Variants in ITGAM observed in about 807,000 individuals in gnomAD.
The protein encoded by ITGAM is integrin alpha-M.
A neutral mutation model predicts 137.5 loss-of-function variants in ITGAM; 79 were observed. That is an observed-to-expected ratio of 0.57 (90% CI 0.48 to 0.69). The LOEUF is 0.69. ITGAM is among the 30% of genes least tolerant of loss of function. ITGAM has a pLI of 0.00. For missense variants in ITGAM, 1,343 were observed against 1,483.5 expected (o/e 0.91, Z 1.56); for synonymous variants, 583 against 592.3 (o/e 0.98, Z 0.23).
Position 31,331,560 on chromosome 16 carries a change from C to G in ITGAM, c.3388-76C>G. On this transcript the variant is annotated intron_variant, in intron 29 of 29. Transcript: ENST00000544665. ...TCCCTTCTGTCTCTGCCGGCCCTCCCGCCCCCTCCCCCTGGTCTGCGGAGC... is the reference window on the plus strand; with the variant it reads ...TCCCTTCTGTCTCTGCCGGCCCTCCGGCCCCCTCCCCCTGGTCTGCGGAGC... 9.7e-6 allele frequency: 9 copies of G among 930,750 alleles called. No individual in the cohort carries two copies. In the South Asian group the frequency reaches 1.3e-4, roughly 13 times the overall value. The allele number at this position is 930,750 out of a possible 1,614,324, so 57.7% of individuals were successfully genotyped here.
rs568547246 is a variant in ITGAM at position 31,323,778 on chromosome 16, C to T, written c.2003-621C>T. 4.6e-5 allele frequency among the ~76,000 whole-genome samples: 7 copies of T among 152,084 alleles called. No homozygotes were observed. In the South Asian group the frequency reaches 6.2e-4, roughly 13 times the overall value. ...CAGTGGCTCATGCCTTTAATCCTAG[C>T]GCTTTGGGAGGCTGAGGCAGGTGGA... On this transcript the variant is annotated intron_variant, in intron 16 of 29. Transcript: ENST00000544665.
At position 31,278,544 on chromosome 16, in the gene ITGAM, G is replaced by C. The variant is rs566924488; in HGVS notation, c.1356+435G>C. ...ACACTTCACACACCCTCTAGGATCT[G>C]CTCCAGCCATGCCCCTGCTCAGTAC... On this transcript the variant is annotated intron_variant, in intron 12 of 29. Coordinates refer to ENST00000544665, the MANE Select transcript of ITGAM (RefSeq NM_000632.4). Among the ~76,000 whole-genome samples, 6 of 152,236 alleles carry C rather than the reference G, an allele frequency of 3.9e-5. No individual in the cohort carries two copies. In the South Asian group the frequency reaches 1.0e-3, roughly 26 times the overall value.
At position 31,270,732 on chromosome 16, in the gene ITGAM, TATATATATATA is replaced by T. The variant is rs2079827097; in HGVS notation, c.428-221_428-211del. Among the ~76,000 whole-genome samples the T allele has an allele frequency of 1.8e-5, 2 of 112,452 alleles. 1 individual carries two copies. Among genetic ancestry groups the T allele is most frequent in the African/African-American group, 7.6e-5 (2 of 26,456 alleles). 73.8% of individuals were successfully genotyped at this position (112,452 alleles called of 152,430 possible). On this transcript the variant is annotated intron_variant, in intron 5 of 29. Coordinates refer to ENST00000544665, the MANE Select transcript of ITGAM (RefSeq NM_000632.4). Reference sequence around the variant, plus strand: ...ATATATATATATATATATATATATATATATATATATATGTTTTTAACGTGTGTATACATATA... The same window carrying T: ...ATATATATATATATATATATATATATTGTTTTTAACGTGTGTATACATATA...
At chr16:31,302,976 CTTTCTTTCTT>C (rs2080229242) in intron 14 of ITGAM, among the ~76,000 whole-genome samples, 1 of 94,764 alleles carries the variant, frequency 1.1e-5, no homozygotes, top group Non-Finnish European at 2.2e-5. Context: ...TTCTTTCTTT[CTTTCTTTCTT>C]TCTTTCTTTC....
At chr16:31,299,766 T>TCCTCCTCCTCCTCCTCCGCCTCCC (rs1399860827) in intron 14 of ITGAM, among the ~76,000 whole-genome samples, 1 of 91,690 alleles carries the variant, frequency 1.1e-5, no homozygotes, top group Non-Finnish European at 2.1e-5. Context: ...CTCCTCCTCT[T>TCCTCCTCCTCCTCCTCCGCCTCCC]CCTCCTCCTC....
chr16:31,268,536 G>C (rs1179051310), intron 5 of ITGAM, among the ~76,000 whole-genome samples: 4 of 151,976 alleles, frequency 2.6e-5, no homozygotes, highest in Non-Finnish European at 5.9e-5. Context: ...GCGTGTGCCT[G>C]TGGTCTTAGC....
chr16:31,261,323 C>T (rs1467015212), intron 1 of ITGAM, among the ~76,000 whole-genome samples: 4 of 151,322 alleles, frequency 2.6e-5, no homozygotes, highest in Non-Finnish European at 5.9e-5. Flanking sequence ...CCACCTCAGC[C>T]TCCTGAGTAC....
At position 31,261,721 on chromosome 16, in the gene ITGAM, G is replaced by A; in HGVS notation, c.58G>A (p.Asp20Asn). 6.2e-7 allele frequency: 1 copy of A among 1,612,550 alleles called. No individual in the cohort carries two copies. The highest frequency in any genetic ancestry group is 8.5e-7 in the Non-Finnish European group (1 of 1,179,432). ...ALTLCHGFNLDTENAMTFQEN... is the reference protein window; with the variant it reads ...ALTLCHGFNLNTENAMTFQEN... Reference sequence around the variant, plus strand: ...GACCTTATGTCATGGGTTCAACTTGGACACTGAAAACGCAATGACCTTCCA... The same window carrying A: ...GACCTTATGTCATGGGTTCAACTTGAACACTGAAAACGCAATGACCTTCCA... Residue 20 changes from aspartate (D) to asparagine (N), a missense_variant, in exon 2 of 30, where the codon GAC becomes AAC. Physicochemically the swap from Asp to Asn is conservative, Grantham distance 23 (BLOSUM62 1). Coordinates refer to ENST00000544665, the MANE Select transcript of ITGAM (RefSeq NM_000632.4).
At chr16:31,288,850 A>G (rs2080056751) in intron 12 of ITGAM, among the ~76,000 whole-genome samples, 1 of 152,208 alleles carries the variant, frequency 6.6e-6, no homozygotes, top group Admixed American at 6.5e-5. Flanking sequence ...AATTTTTGCA[A>G]TCTACTCATC....
chr16:31,302,205 A>G (rs1331729731), intron 14 of ITGAM, among the ~76,000 whole-genome samples: 1 of 152,174 alleles, frequency 6.6e-6, no homozygotes, highest in Non-Finnish European at 1.5e-5. Context: ...GTAGAAAGGA[A>G]AAGGCTCATC....
intron 14 of ITGAM, among the ~76,000 whole-genome samples, chr16:31,305,040 G>A (rs1244738874): frequency 6.6e-6 from 1 of 151,796 alleles, no homozygotes; most frequent in Admixed American, 6.6e-5. Flanking sequence ...TAAATCTGTA[G>A]ATTGGGCAGT....
At position 31,275,599 on chromosome 16, in the gene ITGAM, C is replaced by G; in HGVS notation, c.909C>G (p.Ile303Met). 1 of 1,613,898 alleles carries G rather than the reference C, an allele frequency of 6.2e-7. No individual in the cohort carries two copies. The highest frequency in any genetic ancestry group is 8.5e-7 in the Non-Finnish European group (1 of 1,179,820). Residue 303 changes from isoleucine (I) to methionine (M), a missense_variant, in exon 9 of 30, where the codon ATC (isoleucine) becomes ATG (methionine). Physicochemically the swap from Ile to Met is conservative, Grantham distance 10. Transcript: ENST00000544665. ...SEKSRQELNT[I>M]ASKPPRDHVF... ...AATCCCGCCAAGAGCTTAATACCAT[C>G]GCATCCAAGCCGCCTCGTGATCACG...
intron 12 of ITGAM, among the ~76,000 whole-genome samples, chr16:31,286,270 TC>T (rs2080028870): frequency 6.6e-6 from 1 of 152,206 alleles, no homozygotes; most frequent in Non-Finnish European, 1.5e-5. Context: ...CTAGGTTGAT[TC>T]CATGTCTTTC....
In ITGAM at chr16:31,331,694, C is replaced by T. The variant is rs1184161529; in HGVS notation, c.3446C>T (p.Ala1149Val). Residue 1149 changes from alanine (A) to valine (V), a missense_variant, in exon 30 of 30, where the codon GCC becomes GTC. Coordinates refer to ENST00000544665, the MANE Select transcript of ITGAM (RefSeq NM_000632.4). Reference sequence around the variant, plus strand: ...ATGAGTGAAGGGGGTCCCCCGGGGGCCGAACCCCAGTAGCGGCTCCTTCCC... The same window carrying T: ...ATGAGTGAAGGGGGTCCCCCGGGGGTCGAACCCCAGTAGCGGCTCCTTCCC... ...DMMSEGGPPG[A>V]EPQ The T allele has an allele frequency of 6.2e-7, 1 of 1,606,634 alleles. No homozygotes were observed. Among genetic ancestry groups the T allele is most frequent in the Middle Eastern group, 1.7e-4 (1 of 6,044 alleles).
intron 5 of ITGAM, among the ~76,000 whole-genome samples, chr16:31,267,571 C>T (rs969180322): frequency 6.6e-6 from 1 of 152,198 alleles, no homozygotes; most frequent in Non-Finnish European, 1.5e-5. Flanking sequence ...AGACCTGTCT[C>T]TCCTCTGTCC....
chr16:31,307,651 C>A (rs2080279741), intron 14 of ITGAM, among the ~76,000 whole-genome samples: 1 of 152,122 alleles, frequency 6.6e-6, no homozygotes. Flanking sequence ...CCTTCTGCTG[C>A]CTGATTGCCC....
rs1158279802 is a variant in ITGAM at position 31,277,057 on chromosome 16, G to T, written c.1213+8G>T. 1.2e-6 allele frequency: 2 copies of T among 1,605,070 alleles called. No homozygotes were observed. The highest frequency in any genetic ancestry group is 1.1e-5 in the South Asian group (1 of 89,538). ...TGAATGATGCTTACTTGGGTAAGTG[G>T]GGAGGGCAAGGGTTACTCTAAGAAG... On this transcript the variant is annotated splice_region_variant and intron_variant, in intron 11 of 29. Transcript: ENST00000544665.
chr16:31,331,266 G>A lies in ITGAM; in HGVS notation c.3378G>A (p.Ala1126=), dbSNP rs777290963. 6.2e-7 allele frequency: 1 copy of A among 1,606,084 alleles called. No homozygotes were observed. The highest frequency in any genetic ancestry group is 1.1e-5 in the South Asian group (1 of 90,878). ...GLLLLALITA[A]LYKLGFFKRQ... Reference sequence around the variant, plus strand: ...TGCTCCTGGCCCTCATCACCGCCGCGCTGTACAAGGTGCTCCCCGCTGCTC... The same window carrying A: ...TGCTCCTGGCCCTCATCACCGCCGCACTGTACAAGGTGCTCCCCGCTGCTC... The change falls in exon 29 of 30, where the codon GCG becomes GCA. Residue 1126 remains alanine (A), a synonymous_variant. Transcript: ENST00000544665.
chr16:31,264,261 A>ATT (rs2079739015), intron 2 of ITGAM, among the ~76,000 whole-genome samples: 1 of 152,022 alleles, frequency 6.6e-6, no homozygotes, highest in Non-Finnish European at 1.5e-5. Context: ...ACCCTGGCCA[A>ATT]CATAAGGAAA....
Sources: gnomAD v4.1 joint callset for allele counts (sites outside exome capture counted in the v4.1 genomes callset) on GRCh38, gnomAD v4.1.1 for gene constraint, MANE v1.5 for transcripts, NCBI Gene and HGNC (gene_info 2026-07-23, HGNC 2026-07-21) for gene names.